The following NSMAF variants were observed in gnomAD, a reference collection of about 807,000 sequenced individuals.
The protein encoded by NSMAF is neutral sphingomyelinase activation associated factor, also known as protein FAN.
Under a neutral mutation model 134.9 loss-of-function variants are expected in NSMAF, and 90 were observed. That is an observed-to-expected ratio of 0.67 (90% confidence interval 0.56 to 0.79). NSMAF has a LOEUF of 0.79. Among genes scored for constraint, NSMAF ranks in the 30% least tolerant of loss-of-function variants. The pLI is 0.00. For synonymous variants in NSMAF, 358 were observed against 389.6 expected, an observed-to-expected ratio of 0.92 and a Z score of 0.96; for missense variants, 1,010 against 1,119.0, an observed-to-expected ratio of 0.90 and a Z score of 1.39.
chr8:58,624,174 T>C (rs1806860594), intron 6 of NSMAF, among the ~76,000 whole-genome samples: 1 of 151,570 alleles, frequency 6.6e-6, no homozygotes. Context: ...CCCGAGTAGC[T>C]GGGGCTAGAG....
Position 58,601,546 on chromosome 8 carries a change from G to GAAAAAAA in NSMAF, c.1126-18_1126-12dup. 4.4e-5 allele frequency: 64 copies of GAAAAAAA among 1,443,000 alleles called. No individual in the cohort carries two copies. Among genetic ancestry groups the GAAAAAAA allele is most frequent in the South Asian group, 2.9e-4 (20 of 68,450 alleles). 89.4% of individuals were successfully genotyped at this position (1,443,000 alleles called of 1,614,324 possible). ...TTCCTGGTAGCGTGTCTAGAATACA[G>GAAAAAAA]AAAAAAAAAAAAAATAGAGCTAAGT... On this transcript the variant is annotated splice_polypyrimidine_tract_variant and intron_variant, in intron 14 of 30. Coordinates refer to ENST00000038176, the MANE Select transcript of NSMAF (RefSeq NM_003580.4).
At chr8:58,586,233 A>C in intron 28 of NSMAF, 1 of 617,770 alleles carries the variant, frequency 1.6e-6, no homozygotes, top group Non-Finnish European at 2.8e-6. Flanking sequence ...TAATTTCTCT[A>C]ATGAGGAATT....
intron 1 of NSMAF, among the ~76,000 whole-genome samples, chr8:58,645,984 T>TGAGC (rs1220698288): frequency 5.9e-5 from 9 of 152,270 alleles, no homozygotes; most frequent in African/African-American, 2.2e-4. Context: ...GAGGTTGCAG[T>TGAGC]GAGCCAAGAT....
At chr8:58,645,729 A>G (rs1198032594) in intron 1 of NSMAF, among the ~76,000 whole-genome samples, 1 of 152,110 alleles carries the variant, frequency 6.6e-6, no homozygotes, top group Non-Finnish European at 1.5e-5. Flanking sequence ...TCATAACACC[A>G]GAAGAGATGC....
At chr8:58,619,716 AATAAC>A (rs1806739265) in intron 9 of NSMAF, among the ~76,000 whole-genome samples, 1 of 152,190 alleles carries the variant, frequency 6.6e-6, no homozygotes, top group Middle Eastern at 3.2e-3. Flanking sequence ...ACTAGGAATA[AATAAC>A]ATAAGACAGG....
At chr8:58,641,290 A>C (rs1218485132) in intron 2 of NSMAF, among the ~76,000 whole-genome samples, 1 of 152,206 alleles carries the variant, frequency 6.6e-6, no homozygotes, top group Non-Finnish European at 1.5e-5. Context: ...CCTCTTAGCT[A>C]AGATAAAGTG....
intron 26 of NSMAF, chr8:58,588,387 C>G (rs1421323885): frequency 1.9e-6 from 2 of 1,048,310 alleles, no homozygotes; most frequent in Non-Finnish European, 2.9e-6. Flanking sequence ...CAGAGAATAG[C>G]CTGTCTTCAG....
At chr8:58,643,148 T>C (rs1037401120) in intron 1 of NSMAF, 75 bp from the exon 2 acceptor site, 2 of 1,063,736 alleles carry the variant, frequency 1.9e-6, no homozygotes, top group African/African-American at 1.6e-5. Flanking sequence ...TTAAAACGTC[T>C]GATCCCAAAA....
chr8:58,609,887 T>C (rs1806488295), intron 9 of NSMAF, among the ~76,000 whole-genome samples, 154 bp from the exon 10 acceptor site: 1 of 152,192 alleles, frequency 6.6e-6, no homozygotes, highest in Non-Finnish European at 1.5e-5. Flanking sequence ...ATTGCTTAGA[T>C]AAAACTGACT....
chr8:58,590,614 A>G (rs1396067152), intron 24 of NSMAF, among the ~76,000 whole-genome samples: 1 of 152,232 alleles, frequency 6.6e-6, no homozygotes, highest in Non-Finnish European at 1.5e-5. Flanking sequence ...GGAGAGGTTT[A>G]TTTAAGTAGA....
intron 12 of NSMAF, among the ~76,000 whole-genome samples, chr8:58,605,456 G>A (rs1001315472): frequency 1.3e-5 from 2 of 152,152 alleles, no homozygotes; most frequent in African/African-American, 4.8e-5. Context: ...ATTCAATTTG[G>A]AGGACGTTAA....
At chr8:58,643,138 T>G in intron 1 of NSMAF, 65 bp from the exon 2 acceptor site, 1 of 1,137,508 alleles carries the variant, frequency 8.8e-7, no homozygotes, top group Non-Finnish European at 1.3e-6. Flanking sequence ...GGCAATATAT[T>G]TAAAACGTCT....
At chr8:58,612,566 T>C (rs7816499) in intron 9 of NSMAF, among the ~76,000 whole-genome samples, 19,773 of 152,170 alleles carry the variant, frequency 0.13, 3,125 homozygotes, top group African/African-American at 0.37. Context: ...GAATGTGTTG[T>C]GGGAATCTCT....
At chr8:58,625,533 C>G (rs967099317) in intron 6 of NSMAF, among the ~76,000 whole-genome samples, 1 of 152,144 alleles carries the variant, frequency 6.6e-6, no homozygotes, top group Non-Finnish European at 1.5e-5. Context: ...TTTATCATTA[C>G]ATAATATCCT....
Position 58,653,831 on chromosome 8 carries a change from T to A in NSMAF, c.59+5742A>T, listed in dbSNP as rs142203067. ...TCACACTAAAAAAATTTTTAATGAA[T>A]ATTATATAGCTTACATACTCAAAAT... On this transcript the variant is annotated intron_variant, in intron 1 of 30. Transcript: ENST00000038176. 8.8e-3 allele frequency among the ~76,000 whole-genome samples: 1,345 copies of A among 152,294 alleles called. 23 individuals are homozygous for A. Among genetic ancestry groups the A allele is most frequent in the African/African-American group, 0.03 (1,265 of 41,572 alleles).
At chr8:58,632,307 G>A (rs971126777) in intron 5 of NSMAF, among the ~76,000 whole-genome samples, 1 of 152,106 alleles carries the variant, frequency 6.6e-6, no homozygotes, top group African/African-American at 2.4e-5. Context: ...AAAATTCATT[G>A]CAAGGGCTGT....
rs1807797771 is a variant in NSMAF at position 58,659,229 on chromosome 8, A to G, written c.59+344T>C. The G allele has an allele frequency of 6.7e-7, 1 of 1,485,432 alleles. No homozygotes were observed. Among genetic ancestry groups the G allele is most frequent in the South Asian group, 1.3e-5 (1 of 77,466 alleles). 92.0% of individuals were successfully genotyped at this position (1,485,432 alleles called of 1,614,324 possible). Reference sequence around the variant, plus strand: ...CGAACGCCCGGGCTCGCGTGCCGGGATCCACGCCCGGACCCCGCGCGGCCT... The same window carrying G: ...CGAACGCCCGGGCTCGCGTGCCGGGGTCCACGCCCGGACCCCGCGCGGCCT... On this transcript the variant is annotated intron_variant, in intron 1 of 30. Coordinates refer to ENST00000038176, the MANE Select transcript of NSMAF (RefSeq NM_003580.4).
At chr8:58,598,490 C>CAAAAAA (rs71250204) in intron 19 of NSMAF, among the ~76,000 whole-genome samples, 70 of 125,914 alleles carry the variant, frequency 5.6e-4, no homozygotes, top group African/African-American at 1.1e-3. Context: ...CTGTCTCAAA[C>CAAAAAA]AAAAAAAAAA....
chr8:58,599,509 A>G (rs1256155578), intron 18 of NSMAF, 146 bp from the exon 19 acceptor site: 7 of 1,052,754 alleles, frequency 6.6e-6, no homozygotes, highest in Non-Finnish European at 9.3e-6. Flanking sequence ...ATCATATGAA[A>G]TGTAAGTTTT....
Sources: allele counts gnomAD v4.1 joint callset (sites outside exome capture counted in the v4.1 genomes callset), GRCh38; gene constraint gnomAD v4.1.1; transcripts MANE v1.5; gene names NCBI Gene and HGNC (gene_info 2026-07-23, HGNC 2026-07-21).